Variants in SMARCA4 observed in about 807,000 individuals in gnomAD.
SMARCA4 encodes the protein SWI/SNF-related matrix-associated actin-dependent regulator of chromatin subfamily A member 4.
SMARCA4 carries 31 observed loss-of-function variants against 193.9 expected under a neutral mutation model. That is an observed-to-expected ratio of 0.16 (90% CI 0.12 to 0.22). The LOEUF (loss-of-function observed/expected upper bound fraction) is 0.22. SMARCA4 is among the 10% of genes least tolerant of loss of function. The probability of loss-of-function intolerance (pLI) is 1.00; values close to 1 mark genes in which losing one functional copy is unlikely to be tolerated. For missense variants in SMARCA4, 1,148 were observed against 2,296.0 expected (o/e 0.50, Z 10.22); for synonymous variants, 942 against 933.1 (o/e 1.01, Z -0.17).
At position 10,985,962 on chromosome 19, in the gene SMARCA4, T is replaced by C. The variant is rs958849570; in HGVS notation, c.356-227T>C. ...GATTTCATGCACAGGTTCTCAGCATTAACCAGAAGCACCTTACTGAGACGT... is the reference window on the plus strand; with the variant it reads ...GATTTCATGCACAGGTTCTCAGCATCAACCAGAAGCACCTTACTGAGACGT... On this transcript the variant is annotated intron_variant, in intron 3 of 34. Coordinates refer to ENST00000344626, the MANE Select transcript of SMARCA4 (RefSeq NM_003072.5). This position sits in a 1 kb window ranked among gnomAD's most constrained non-coding sequence, Gnocchi z 4.5. Among the ~76,000 whole-genome samples the C allele has an allele frequency of 6.6e-6, 1 of 152,118 alleles. No individual in the cohort carries two copies. Among genetic ancestry groups the C allele is most frequent in the African/African-American group, 2.4e-5 (1 of 41,408 alleles).
At chr19:11,012,854 T>C (rs1290939888) in intron 15 of SMARCA4, 95 bp from the exon 16 acceptor site, 1 of 1,165,966 alleles carries the variant, frequency 8.6e-7, no homozygotes, top group Non-Finnish European at 1.3e-6. Flanking sequence ...TAGGCAGAAC[T>C]CGTGGCTGGC....
intron 24 of SMARCA4, among the ~76,000 whole-genome samples, chr19:11,029,882 G>A (rs1013058747): frequency 6.6e-6 from 1 of 152,030 alleles, no homozygotes; most frequent in African/African-American, 2.4e-5. Flanking sequence ...CACCATGTTG[G>A]CCAGGCTGGT....
At chr19:11,009,277 C>T (rs982878150) in intron 14 of SMARCA4, among the ~76,000 whole-genome samples, 1 of 151,888 alleles carries the variant, frequency 6.6e-6, no homozygotes, top group Non-Finnish European at 1.5e-5. Flanking sequence ...ACTTTGAGCT[C>T]CCAAAGTGCT....
chr19:10,996,362 G>GAAGAAA lies in SMARCA4; in HGVS notation c.1755_1760dup (p.Lys587_Lys588dup), dbSNP rs1600082918. 1 of 1,614,200 alleles carries GAAGAAA rather than the reference G, an allele frequency of 6.2e-7. No homozygotes were observed. The highest frequency in any genetic ancestry group is 8.5e-7 in the Non-Finnish European group (1 of 1,180,028). On this transcript the variant is annotated inframe_insertion, in exon 10 of 35. Transcript: ENST00000344626. Reference sequence around the variant, plus strand: ...CTGCCCAGGTCGCCAAGGAGAAAAAGAAGAAAAAGAAAAAGAAGGTGTGCT... The same window carrying GAAGAAA: ...CTGCCCAGGTCGCCAAGGAGAAAAAGAAGAAAAAGAAAAAGAAAAAGAAGGTGTGCT...
At chr19:10,962,155 C>T (rs1329466124) in intron 1 of SMARCA4, among the ~76,000 whole-genome samples, 1 of 152,150 alleles carries the variant, frequency 6.6e-6, no homozygotes, top group African/African-American at 2.4e-5. Flanking sequence ...GTGGCTTAAC[C>T]TCTCTGAACC....
rs2145726094 is a variant in SMARCA4, at chr19:10,984,343, C to A, written c.192C>A (p.Tyr64Ter). 6.3e-7 allele frequency: 1 copy of A among 1,596,138 alleles called. No individual in the cohort carries two copies. Among genetic ancestry groups the A allele is most frequent in the South Asian group, 1.1e-5 (1 of 88,604 alleles). Residue 64 changes from tyrosine (Y) to a stop codon, truncating the protein, a stop_gained, in exon 2 of 35, where the codon TAC becomes TAA. Transcript: ENST00000344626. LOFTEE classifies it high-confidence loss of function. The surrounding 1 kb of genome is among the most constrained non-coding windows in gnomAD (Gnocchi z 4.3). ...HPIPTQGPGG[Y>*]PQDNMHQMHK... ...TCCCCACCCAGGGGCCTGGAGGGTA[C>A]CCTCAGGACAACATGCACCAGATGC... is the stretch of plus-strand genomic sequence containing the variant.
At chr19:11,039,356 A>G in intron 29 of SMARCA4, 1 of 621,062 alleles carries the variant, frequency 1.6e-6, no homozygotes, top group Non-Finnish European at 2.8e-6. Context: ...CCTGTCTCTG[A>G]AAAAAAGGGA....
In SMARCA4 at chr19:11,035,140, C is replaced by T. The variant is rs778760920; in HGVS notation, c.4170+8C>T. 3 of 1,608,600 alleles carry T rather than the reference C, an allele frequency of 1.9e-6. No homozygotes were observed. The highest frequency in any genetic ancestry group is 1.1e-5 in the South Asian group (1 of 90,510). The stretch of plus-strand genomic sequence containing the variant: ...GAGAAGCAGTGGCTCAAGGTACATG[C>T]TGGAGAGGCCCAGCAGCTGCCGCAG... On this transcript the variant is annotated splice_region_variant and intron_variant, in intron 29 of 34. Transcript: ENST00000344626.
rs184161794 is a variant in SMARCA4 at position 11,023,681 on chromosome 19, C to A, written c.2973+50C>A. 3.1e-4 allele frequency: 364 copies of A among 1,164,168 alleles called. 1 individual carries two copies. In the African/African-American group the frequency reaches 5.2e-3, roughly 17 times the overall value. The allele number at this position is 1,164,168 out of a possible 1,614,324, so 72.1% of individuals were successfully genotyped here. A position where few individuals can be genotyped will look rare whatever the true frequency, so the allele number is the denominator to read the frequency against. On this transcript the variant is annotated intron_variant, in intron 20 of 34. Transcript: ENST00000344626. ...CCAGTGAAGCAGCCTCACGTGGGGG[C>A]TTTCTCCAGGGCTGGGCGTGCTCAG...
intron 1 of SMARCA4, among the ~76,000 whole-genome samples, chr19:10,983,220 C>T (rs1225357505): frequency 5.3e-5 from 8 of 152,166 alleles, no homozygotes; most frequent in African/African-American, 1.9e-4. Context: ...TGGAGGACAT[C>T]CCCTTATGCA....
In SMARCA4 at chr19:10,971,656, C is replaced by T. The variant is rs921625850; in HGVS notation, c.-32+10482C>T. ...CTAATTTTTGTATTTTTCGTAGAGA[C>T]GAGGTTTCACCGTGTTGCCCAGGCT... On this transcript the variant is annotated intron_variant, in intron 1 of 34. Transcript: ENST00000344626. 1.4e-4 allele frequency among the ~76,000 whole-genome samples: 21 copies of T among 152,150 alleles called. No homozygotes were observed. In the South Asian group the frequency reaches 1.9e-3, roughly 14 times the overall value.
intron 29 of SMARCA4, chr19:11,040,591 CAAAAAAAAAA>C (rs146891898): frequency 1.0e-5 from 1 of 96,030 alleles, no homozygotes; most frequent in African/African-American, 4.1e-5. Flanking sequence ...ACTCCGTCTC[CAAAAAAAAAA>C]AAAAAAAAAT....
At chr19:11,055,991 C>G (rs2076528053) in intron 30 of SMARCA4, among the ~76,000 whole-genome samples, 1 of 152,234 alleles carries the variant, frequency 6.6e-6, no homozygotes, top group South Asian at 2.1e-4. Flanking sequence ...GCTGCACGTC[C>G]TGCTTCACAG....
intron 18 of SMARCA4, chr19:11,021,163 C>T (rs2089832553): frequency 9.8e-6 from 2 of 203,438 alleles, no homozygotes; most frequent in Non-Finnish European, 2.0e-5. Context: ...GCTCCCCTGC[C>T]AGTGGCTCAG....
Position 10,986,654 on chromosome 19 carries a change from G to A in SMARCA4, c.760+61G>A, listed in dbSNP as rs2086071541. On this transcript the variant is annotated intron_variant, in intron 4 of 34. Coordinates refer to ENST00000344626, the MANE Select transcript of SMARCA4 (RefSeq NM_003072.5). This position sits in a 1 kb window ranked among gnomAD's most constrained non-coding sequence, Gnocchi z 6.7. The stretch of plus-strand genomic sequence containing the variant: ...AGCGAATGGCTGGGGCGTGGGTGGC[G>A]GGGTGGACAGACCGTGCTCTGTTGC... 2.0e-6 allele frequency: 3 copies of A among 1,533,308 alleles called. No individual in the cohort carries two copies. Among genetic ancestry groups the A allele is most frequent in the Admixed American group, 2.0e-5 (1 of 50,930 alleles). 95.0% of individuals were successfully genotyped at this position (1,533,308 alleles called of 1,614,324 possible).
In SMARCA4 at chr19:11,008,652, A is replaced by T. The variant is rs549300035; in HGVS notation, c.2123+629A>T. ...TAACACAGTAATCTCTTCATTGCTT[A>T]TGGTAAGGAATTAATAGATCCTGTT... On this transcript the variant is annotated intron_variant, in intron 14 of 34. Transcript: ENST00000344626. Among the ~76,000 whole-genome samples, 8 of 152,292 alleles carry T rather than the reference A, an allele frequency of 5.3e-5. 1 individual carries two copies. The East Asian group carries it at 1.5e-3, about 29-fold the overall frequency.
At chr19:11,026,178 G>T in intron 22 of SMARCA4, 122 bp from the exon 23 acceptor site, 1 of 806,886 alleles carries the variant, frequency 1.2e-6, no homozygotes, top group Non-Finnish European at 2.2e-6. Flanking sequence ...GCCGCCGTGG[G>T]CCCGTGCCGA....
At chr19:11,009,004 T>G (rs1600175490) in intron 14 of SMARCA4, among the ~76,000 whole-genome samples, 2 of 107,444 alleles carry the variant, frequency 1.9e-5, no homozygotes, top group Non-Finnish European at 3.8e-5. Context: ...TGGATAAAAG[T>G]CACTTTTTTT....
chr19:10,965,664 G>GTATA (rs1318115098), intron 1 of SMARCA4, among the ~76,000 whole-genome samples: 1 of 152,136 alleles, frequency 6.6e-6, no homozygotes, highest in Non-Finnish European at 1.5e-5. Context: ...AGGCTCTGTG[G>GTATA]TATAGCCTAT....
Sources: allele counts gnomAD v4.1 joint callset (sites outside exome capture counted in the v4.1 genomes callset), GRCh38; gene constraint gnomAD v4.1.1; non-coding constraint Gnocchi (gnomAD v3.1); transcripts MANE v1.5; gene names NCBI Gene and HGNC (gene_info 2026-07-23, HGNC 2026-07-21).